Variants in MCEMP1 observed in about 807,000 individuals in gnomAD.
MCEMP1 encodes mast cell expressed membrane protein 1.
A neutral mutation model predicts 27.9 loss-of-function variants in MCEMP1; 17 were observed. The observed-to-expected ratio is 0.61, with a 90% confidence interval of 0.42 to 0.91. The LOEUF (loss-of-function observed/expected upper bound fraction) is 0.91, where lower values mean the gene tolerates loss of function less well. Ranked by LOEUF, MCEMP1 falls within the 40% of genes least tolerant of loss-of-function variation. The pLI is 0.00. For synonymous variants in MCEMP1, 88 were observed against 76.9 expected (o/e 1.14, Z -0.76); for missense variants, 200 against 204.8 (o/e 0.98, Z 0.14).
Position 7,677,272 on chromosome 19 carries a change from T to C in MCEMP1, c.55+97T>C. The C allele has an allele frequency of 8.8e-7, 1 of 1,135,440 alleles. No individual in the cohort carries two copies. The highest frequency in any genetic ancestry group is 1.3e-6 in the Non-Finnish European group (1 of 782,532). The allele number at this position is 1,135,440 out of a possible 1,614,324, so 70.3% of individuals were successfully genotyped here. Reference sequence around the variant, plus strand: ...CTGTAATCCTAGCACTTTGGGAGGCTGAGGCGGGAGGATTGCGTGAGCCCT... The same window carrying C: ...CTGTAATCCTAGCACTTTGGGAGGCCGAGGCGGGAGGATTGCGTGAGCCCT... On this transcript the variant is annotated intron_variant, in intron 1 of 6. Transcript: ENST00000333598. This position sits in a 1 kb window ranked among gnomAD's most constrained non-coding sequence, Gnocchi z 4.6.
Position 7,679,200 on chromosome 19 carries a change from C to T in MCEMP1, c.*86C>T, listed in dbSNP as rs1296695707. ...GAAGACGGGAAATGACCCCCCCCCC[C>T]CAGCCTAGTGTGAACCTGCCCCTCG... On this transcript the variant is annotated 3_prime_UTR_variant, in exon 7 of 7. Transcript: ENST00000333598. The surrounding 1 kb of genome is among the most constrained non-coding windows in gnomAD (Gnocchi z 4.9). 1.3e-5 allele frequency: 15 copies of T among 1,178,844 alleles called. No homozygotes were observed. The highest frequency in any genetic ancestry group is 1.7e-5 in the Non-Finnish European group (15 of 861,768). The allele number at this position is 1,178,844 out of a possible 1,614,324, so 73.0% of individuals were successfully genotyped here.
At position 7,679,155 on chromosome 19, in the gene MCEMP1, A is replaced by T; in HGVS notation, c.*41A>T. On this transcript the variant is annotated 3_prime_UTR_variant, in exon 7 of 7. Transcript: ENST00000333598. The surrounding 1 kb of genome is among the most constrained non-coding windows in gnomAD (Gnocchi z 4.9). ...GGCAGCCAAAGCCACAACTTGGAAG[A>T]TGGGGCTGCACCTGCCAACGAAGAC... 1 of 1,556,572 alleles carries T rather than the reference A, an allele frequency of 6.4e-7. No homozygotes were observed. The highest frequency in any genetic ancestry group is 8.7e-7 in the Non-Finnish European group (1 of 1,147,358).
rs762483146 is a variant in MCEMP1, at chr19:7,678,312, C to T, written c.284-38C>T. On this transcript the variant is annotated intron_variant, in intron 3 of 6. Coordinates refer to ENST00000333598, the MANE Select transcript of MCEMP1 (RefSeq NM_174918.3). The surrounding 1 kb of genome is among the most constrained non-coding windows in gnomAD (Gnocchi z 4.8). ...CCCTTGTCCTTCTCTCTCTCTCTCC[C>T]TGGGTGCTTCAAGGATTTTCCTGCC... 1.2e-6 allele frequency: 2 copies of T among 1,613,904 alleles called. No individual in the cohort carries two copies. Among genetic ancestry groups the T allele is most frequent in the African/African-American group, 1.3e-5 (1 of 74,874 alleles).
rs755531314 is a variant in MCEMP1 at position 7,677,212 on chromosome 19, G to T, written c.55+37G>T. The T allele has an allele frequency of 1.3e-6, 2 of 1,533,366 alleles. No homozygotes were observed. The highest frequency in any genetic ancestry group is 1.7e-4 in the Middle Eastern group (1 of 5,944). 95.0% of individuals were successfully genotyped at this position (1,533,366 alleles called of 1,614,324 possible). A position where few individuals can be genotyped will look rare whatever the true frequency, so the allele number is the denominator to read the frequency against. Reference sequence around the variant, plus strand: ...CGAGGTGGAAGGGAGGGGTTAAGAAGGAGAGATTGGGGGGCCGGGGGCTTT... The same window carrying T: ...CGAGGTGGAAGGGAGGGGTTAAGAATGAGAGATTGGGGGGCCGGGGGCTTT... On this transcript the variant is annotated intron_variant, in intron 1 of 6. Coordinates refer to ENST00000333598, the MANE Select transcript of MCEMP1 (RefSeq NM_174918.3). This position sits in a 1 kb window ranked among gnomAD's most constrained non-coding sequence, Gnocchi z 4.6.
Position 7,679,244 on chromosome 19 carries a change from C to T in MCEMP1, c.*130C>T. On this transcript the variant is annotated 3_prime_UTR_variant, in exon 7 of 7. Coordinates refer to ENST00000333598, the MANE Select transcript of MCEMP1 (RefSeq NM_174918.3). This position sits in a 1 kb window ranked among gnomAD's most constrained non-coding sequence, Gnocchi z 4.9. ...CCCCTCGTCCCACGTATAGAAAAAC[C>T]TCGAGTCATGGTGAATGAGTGTCTC... 8.6e-7 allele frequency: 1 copy of T among 1,165,256 alleles called. No homozygotes were observed. Among genetic ancestry groups the T allele is most frequent in the Non-Finnish European group, 1.2e-6 (1 of 838,928 alleles). The allele number at this position is 1,165,256 out of a possible 1,614,324, so 72.2% of individuals were successfully genotyped here.
chr19:7,678,788 C>T lies in MCEMP1; in HGVS notation c.449-136C>T. 8.9e-7 allele frequency: 1 copy of T among 1,129,780 alleles called. No individual in the cohort carries two copies. Among genetic ancestry groups the T allele is most frequent in the Non-Finnish European group, 1.3e-6 (1 of 789,988 alleles). 70.0% of individuals were successfully genotyped at this position (1,129,780 alleles called of 1,614,324 possible). On this transcript the variant is annotated intron_variant, in intron 5 of 6. Coordinates refer to ENST00000333598, the MANE Select transcript of MCEMP1 (RefSeq NM_174918.3). The surrounding 1 kb of genome is among the most constrained non-coding windows in gnomAD (Gnocchi z 4.8). ...GGGTATTGAAAGGCTCCTGGGAACCCCAAATCCATGGGCTCTGCTGTACCC... is the reference window on the plus strand; with the variant it reads ...GGGTATTGAAAGGCTCCTGGGAACCTCAAATCCATGGGCTCTGCTGTACCC...
At position 7,678,337 on chromosome 19, in the gene MCEMP1, C is replaced by T. The variant is rs752599190; in HGVS notation, c.284-13C>T. 14 of 1,613,922 alleles carry T rather than the reference C, an allele frequency of 8.7e-6. No individual in the cohort carries two copies. In the East Asian group the frequency reaches 2.5e-4, roughly 28 times the overall value. ...CTGGGTGCTTCAAGGATTTTCCTGCCCCTCCTGAACAGATGCTGAGATGTC... is the reference window on the plus strand; with the variant it reads ...CTGGGTGCTTCAAGGATTTTCCTGCTCCTCCTGAACAGATGCTGAGATGTC... On this transcript the variant is annotated splice_polypyrimidine_tract_variant and intron_variant, in intron 3 of 6. Transcript: ENST00000333598. This position sits in a 1 kb window ranked among gnomAD's most constrained non-coding sequence, Gnocchi z 4.8.
chr19:7,677,972 A>C lies in MCEMP1; in HGVS notation c.146-132A>C. ...GGTGGTGGCAGTGTTGTTGACGATG[A>C]TGACAAGCTGCATGACCACAGCTGC... On this transcript the variant is annotated intron_variant, in intron 2 of 6. Transcript: ENST00000333598. The surrounding 1 kb of genome is among the most constrained non-coding windows in gnomAD (Gnocchi z 4.6). 7.3e-7 allele frequency: 1 copy of C among 1,379,308 alleles called. No homozygotes were observed. The highest frequency in any genetic ancestry group is 9.8e-7 in the Non-Finnish European group (1 of 1,017,770). 85.4% of individuals were successfully genotyped at this position (1,379,308 alleles called of 1,614,324 possible). A position where few individuals can be genotyped will look rare whatever the true frequency, so the allele number is the denominator to read the frequency against.
chr19:7,677,148 A>C lies in MCEMP1; in HGVS notation c.28A>C (p.Lys10Gln), dbSNP rs144064460. Reference protein sequence around the residue: MQAPAFRDKKQGVSAKNQGA... With the variant: MQAPAFRDKQQGVSAKNQGA... ...GCAAGCACCAGCCTTCAGGGACAAG[A>C]AACAGGGGGTCTCAGCCAAGAATCA... The change falls in exon 1 of 7, where the codon AAA becomes CAA. Residue 10 changes from lysine to glutamine, a missense_variant. Lys to Gln is a moderately conservative substitution (Grantham distance 53). Coordinates refer to ENST00000333598, the MANE Select transcript of MCEMP1 (RefSeq NM_174918.3). This position sits in a 1 kb window ranked among gnomAD's most constrained non-coding sequence, Gnocchi z 4.6. 127 of 1,596,982 alleles carry C rather than the reference A, an allele frequency of 8.0e-5. No homozygotes were observed. Among genetic ancestry groups the C allele is most frequent in the Non-Finnish European group, 1.0e-4 (122 of 1,171,438 alleles).
Position 7,678,330 on chromosome 19 carries a change from T to G in MCEMP1, c.284-20T>G. 6.2e-7 allele frequency: 1 copy of G among 1,614,060 alleles called. No individual in the cohort carries two copies. The highest frequency in any genetic ancestry group is 8.5e-7 in the Non-Finnish European group (1 of 1,180,002). ...TCTCTCCCTGGGTGCTTCAAGGATT[T>G]TCCTGCCCCTCCTGAACAGATGCTG... On this transcript the variant is annotated intron_variant, in intron 3 of 6. Transcript: ENST00000333598. This position sits in a 1 kb window ranked among gnomAD's most constrained non-coding sequence, Gnocchi z 4.8.
rs756411400 is a variant in MCEMP1, at chr19:7,678,443, G to A, written c.334+43G>A. On this transcript the variant is annotated intron_variant, in intron 4 of 6. Coordinates refer to ENST00000333598, the MANE Select transcript of MCEMP1 (RefSeq NM_174918.3). The surrounding 1 kb of genome is among the most constrained non-coding windows in gnomAD (Gnocchi z 4.8). ...GGGAGACCCGTGGGGTCATGGTGGG[G>A]GTCTGGAGAGGGATGGATGCACAGA... The A allele has an allele frequency of 4.3e-6, 7 of 1,613,632 alleles. No individual in the cohort carries two copies. Among genetic ancestry groups the A allele is most frequent in the Admixed American group, 3.3e-5 (2 of 59,976 alleles).
rs1401033584 is a variant in MCEMP1 at position 7,679,388 on chromosome 19, G to A, written c.*274G>A. The A allele has an allele frequency of 4.2e-6, 2 of 480,500 alleles. No individual in the cohort carries two copies. The highest frequency in any genetic ancestry group is 3.4e-5 in the East Asian group (1 of 29,310). The allele number at this position is 480,500 out of a possible 1,614,324, so 29.8% of individuals were successfully genotyped here. A position where few individuals can be genotyped will look rare whatever the true frequency, so the allele number is the denominator to read the frequency against. On this transcript the variant is annotated 3_prime_UTR_variant, in exon 7 of 7. Transcript: ENST00000333598. This position sits in a 1 kb window ranked among gnomAD's most constrained non-coding sequence, Gnocchi z 4.9. The stretch of plus-strand genomic sequence containing the variant: ...CATTTTGCAAAGGGTGGACATTTCA[G>A]TGTATCTCCCAGAAAGGTGATGAAT...
At position 7,678,897 on chromosome 19, in the gene MCEMP1, T is replaced by TGCCAC; in HGVS notation, c.449-27_449-26insGCCAC. On this transcript the variant is annotated intron_variant, in intron 5 of 6. Coordinates refer to ENST00000333598, the MANE Select transcript of MCEMP1 (RefSeq NM_174918.3). The surrounding 1 kb of genome is among the most constrained non-coding windows in gnomAD (Gnocchi z 4.8). Reference sequence around the variant, plus strand: ...CTCCACCGCAGCTTGACTTATCTGTTCCCACCCAACCCTCCCCGCCCCCTA... The same window carrying TGCCAC: ...CTCCACCGCAGCTTGACTTATCTGTTGCCACCCCACCCAACCCTCCCCGCCCCCTA... 2 of 993,960 alleles carry TGCCAC rather than the reference T, an allele frequency of 2.0e-6. No homozygotes were observed. The highest frequency in any genetic ancestry group is 3.1e-6 in the Non-Finnish European group (2 of 644,790). 61.6% of individuals were successfully genotyped at this position (993,960 alleles called of 1,614,324 possible).
Position 7,678,458 on chromosome 19 carries a change from G to C in MCEMP1, c.335-33G>C. On this transcript the variant is annotated intron_variant, in intron 4 of 6. Coordinates refer to ENST00000333598, the MANE Select transcript of MCEMP1 (RefSeq NM_174918.3). This position sits in a 1 kb window ranked among gnomAD's most constrained non-coding sequence, Gnocchi z 4.8. ...TCATGGTGGGGGTCTGGAGAGGGAT[G>C]GATGCACAGACACCCCTGTTTCATG... The C allele has an allele frequency of 6.2e-7, 1 of 1,613,432 alleles. No individual in the cohort carries two copies. Among genetic ancestry groups the C allele is most frequent in the East Asian group, 2.2e-5 (1 of 44,876 alleles).
In MCEMP1 at chr19:7,678,713, A is replaced by G; in HGVS notation, c.448+109A>G. 8.1e-7 allele frequency: 1 copy of G among 1,235,476 alleles called. No individual in the cohort carries two copies. The highest frequency in any genetic ancestry group is 1.2e-6 in the Non-Finnish European group (1 of 862,802). The allele number at this position is 1,235,476 out of a possible 1,614,324, so 76.5% of individuals were successfully genotyped here. A position where few individuals can be genotyped will look rare whatever the true frequency, so the allele number is the denominator to read the frequency against. ...AGAAAGCCGGGGTCCTACCCTCCCAAAGCTCAAGTTGTGGAGGGGCGATGG... is the reference window on the plus strand; with the variant it reads ...AGAAAGCCGGGGTCCTACCCTCCCAGAGCTCAAGTTGTGGAGGGGCGATGG... On this transcript the variant is annotated intron_variant, in intron 5 of 6. Coordinates refer to ENST00000333598, the MANE Select transcript of MCEMP1 (RefSeq NM_174918.3). This position sits in a 1 kb window ranked among gnomAD's most constrained non-coding sequence, Gnocchi z 4.8.
chr19:7,678,309 T>C lies in MCEMP1; in HGVS notation c.284-41T>C. The C allele has an allele frequency of 6.2e-7, 1 of 1,613,928 alleles. No individual in the cohort carries two copies. On this transcript the variant is annotated intron_variant, in intron 3 of 6. Coordinates refer to ENST00000333598, the MANE Select transcript of MCEMP1 (RefSeq NM_174918.3). The surrounding 1 kb of genome is among the most constrained non-coding windows in gnomAD (Gnocchi z 4.8). Reference sequence around the variant, plus strand: ...TCTCCCTTGTCCTTCTCTCTCTCTCTCCCTGGGTGCTTCAAGGATTTTCCT... The same window carrying C: ...TCTCCCTTGTCCTTCTCTCTCTCTCCCCCTGGGTGCTTCAAGGATTTTCCT...
chr19:7,677,563 G>A lies in MCEMP1; in HGVS notation c.56-74G>A, dbSNP rs1197172212. 3.6e-6 allele frequency: 5 copies of A among 1,382,566 alleles called. No homozygotes were observed. Among genetic ancestry groups the A allele is most frequent in the South Asian group, 3.5e-5 (3 of 86,088 alleles). 85.6% of individuals were successfully genotyped at this position (1,382,566 alleles called of 1,614,324 possible). A position where few individuals can be genotyped will look rare whatever the true frequency, so the allele number is the denominator to read the frequency against. On this transcript the variant is annotated intron_variant, in intron 1 of 6. Coordinates refer to ENST00000333598, the MANE Select transcript of MCEMP1 (RefSeq NM_174918.3). The surrounding 1 kb of genome is among the most constrained non-coding windows in gnomAD (Gnocchi z 4.6). The stretch of plus-strand genomic sequence containing the variant: ...CCCCCTACAATTTATTGAGTGCAAA[G>A]GGTTGGGTAAAACAAGATCCCGGAT...
chr19:7,678,281 C>A lies in MCEMP1; in HGVS notation c.283+40C>A, dbSNP rs747206224. ...GGAGGAGGGTGCTGGGGGGCCTAGA[C>A]TTTCTCCCTTGTCCTTCTCTCTCTC... On this transcript the variant is annotated intron_variant, in intron 3 of 6. Coordinates refer to ENST00000333598, the MANE Select transcript of MCEMP1 (RefSeq NM_174918.3). The surrounding 1 kb of genome is among the most constrained non-coding windows in gnomAD (Gnocchi z 4.8). 3 of 1,613,998 alleles carry A rather than the reference C, an allele frequency of 1.9e-6. No individual in the cohort carries two copies. The highest frequency in any genetic ancestry group is 2.2e-5 in the South Asian group (2 of 91,070).
Position 7,679,259 on chromosome 19 carries a change from A to G in MCEMP1, c.*145A>G. The G allele has an allele frequency of 9.8e-7, 1 of 1,021,886 alleles. No homozygotes were observed. The highest frequency in any genetic ancestry group is 1.4e-6 in the Non-Finnish European group (1 of 709,364). 63.3% of individuals were successfully genotyped at this position (1,021,886 alleles called of 1,614,324 possible). ...ATAGAAAAACCTCGAGTCATGGTGA[A>G]TGAGTGTCTCGGAGTTGCTCGTGTG... On this transcript the variant is annotated 3_prime_UTR_variant, in exon 7 of 7. Coordinates refer to ENST00000333598, the MANE Select transcript of MCEMP1 (RefSeq NM_174918.3). This position sits in a 1 kb window ranked among gnomAD's most constrained non-coding sequence, Gnocchi z 4.9.
Sources: gnomAD v4.1 joint callset for allele counts on GRCh38, gnomAD v4.1.1 for gene constraint, Gnocchi (gnomAD v3.1) non-coding constraint, MANE v1.5 for transcripts, NCBI Gene and HGNC (gene_info 2026-07-23, HGNC 2026-07-21) for gene names.